Variants in HYKK observed in about 807,000 individuals in gnomAD.
The protein encoded by HYKK is 5-hydroxy-L-lysine kinase.
Under a neutral mutation model 29.7 loss-of-function variants are expected in HYKK, and 19 were observed. That is an observed-to-expected ratio of 0.64 (90% CI 0.45 to 0.94). HYKK has a LOEUF of 0.94. Among genes scored for constraint, HYKK ranks in the 40% least tolerant of loss-of-function variants. The pLI, the probability that HYKK is intolerant of heterozygous loss-of-function variation, is 0.00. For synonymous variants in HYKK, 152 were observed against 158.1 expected (o/e 0.96, Z 0.29); for missense variants, 390 against 443.4 (o/e 0.88, Z 1.08).
chr15:78,525,978 T>A (rs1567021959), intron 3 of HYKK, among the ~76,000 whole-genome samples: 1 of 152,346 alleles, frequency 6.6e-6, no homozygotes, highest in Non-Finnish European at 1.5e-5. Flanking sequence ...CATCAAAGCA[T>A]CTTCCAGCGC....
chr15:78,517,870 G>A (rs2052152481), intron 3 of HYKK, among the ~76,000 whole-genome samples: 1 of 152,182 alleles, frequency 6.6e-6, no homozygotes, highest in East Asian at 1.9e-4. Context: ...CCCTGTGCGT[G>A]CCATGTACTC....
At position 78,513,256 on chromosome 15, in the gene HYKK, A is replaced by C. The variant is rs1353963095; in HGVS notation, c.168A>C (p.Lys56Asn). ...QNFHVYVSKT[K>N]DGPTEYVLKI... ...TTCATGTCTACGTTTCAAAAACCAA[A>C]GATGGCCCAACTGAATATGTCCTCA... The change falls in exon 2 of 5, where the codon AAA (lysine) becomes AAC (asparagine). Residue 56 changes from lysine to asparagine, a missense_variant. Lys to Asn is a moderately conservative substitution (Grantham distance 94). Transcript: ENST00000388988. The C allele has an allele frequency of 6.2e-7, 1 of 1,614,122 alleles. No individual in the cohort carries two copies. The highest frequency in any genetic ancestry group is 1.7e-5 in the Admixed American group (1 of 60,002).
intron 1 of HYKK, among the ~76,000 whole-genome samples, chr15:78,508,911 G>A (rs1356385362): frequency 9.9e-6 from 1 of 101,478 alleles, no homozygotes; most frequent in Non-Finnish European, 2.3e-5. Context: ...GGCCAGGCAT[G>A]GTGGCACCTG....
At chr15:78,531,894 G>A (rs1003824920) in intron 4 of HYKK, among the ~76,000 whole-genome samples, 3 of 151,850 alleles carry the variant, frequency 2.0e-5, no homozygotes, top group Non-Finnish European at 2.9e-5. Context: ...TCAGAAATAC[G>A]TAGTTTAAAA....
chr15:78,524,440 G>T lies in HYKK; in HGVS notation c.478-2940G>T, dbSNP rs571286859. Among the ~76,000 whole-genome samples, 365 of 152,318 alleles carry T rather than the reference G, an allele frequency of 2.4e-3. 4 individuals are homozygous for T. The highest frequency in any genetic ancestry group is 5.1e-4 in the Non-Finnish European group (35 of 68,038). On this transcript the variant is annotated intron_variant, in intron 3 of 4. Coordinates refer to ENST00000388988, the MANE Select transcript of HYKK (RefSeq NM_001013619.4). ...TGTAGGGCAGCAGGGCCCTGGGCCT[G>T]GCCCACAAAACCATCTTGTCCTCCT...
chr15:78,507,955 G>T (rs760287926), intron 1 of HYKK, among the ~76,000 whole-genome samples: 1 of 152,134 alleles, frequency 6.6e-6, no homozygotes, highest in Non-Finnish European at 1.5e-5. Context: ...GTGTGGGGTC[G>T]CTGGCCGAGG....
chr15:78,524,810 A>G (rs921417700), intron 3 of HYKK, among the ~76,000 whole-genome samples: 1 of 152,106 alleles, frequency 6.6e-6, no homozygotes, highest in East Asian at 1.9e-4. Flanking sequence ...CTCTGCCTCA[A>G]AAACAAACAA....
intron 1 of HYKK, among the ~76,000 whole-genome samples, chr15:78,510,460 A>G (rs890061446): frequency 1.3e-5 from 2 of 151,948 alleles, no homozygotes; most frequent in Non-Finnish European, 2.9e-5. Flanking sequence ...CAGCCTCCCA[A>G]AGTGGTGGGA....
In HYKK at chr15:78,515,120, G is replaced by T. The variant is rs144040460; in HGVS notation, c.477+13G>T. The T allele has an allele frequency of 3.5e-4, 544 of 1,535,228 alleles. 7 individuals carry two copies. The East Asian group carries it at 0.013, about 37-fold the overall frequency. On this transcript the variant is annotated intron_variant, in intron 3 of 4. Coordinates refer to ENST00000388988, the MANE Select transcript of HYKK (RefSeq NM_001013619.4). ...TAAGACACTGCAGGTAAGATTTGGG[G>T]CTTTATTTTATTCTAAGGGATGTTT...
intron 2 of HYKK, 63 bp downstream of exon 2, chr15:78,513,488 A>G (rs2052096927): frequency 5.2e-6 from 6 of 1,164,186 alleles, no homozygotes; most frequent in Non-Finnish European, 7.4e-6. Flanking sequence ...TTTTGGCCAC[A>G]AGTAGAACTA....
rs1403934283 is a variant in HYKK, at chr15:78,513,218, G to C, written c.130G>C (p.Asp44His). 6.2e-6 allele frequency: 10 copies of C among 1,614,078 alleles called. No homozygotes were observed. Among genetic ancestry groups the C allele is most frequent in the African/African-American group, 1.3e-5 (1 of 74,928 alleles). The stretch of plus-strand genomic sequence containing the variant: ...CAAGGTCCGGCCACTTCCTAGCTAT[G>C]ATGACCAAAACTTTCATGTCTACGT... ...VSKVRPLPSY[D>H]DQNFHVYVSK... is the part of the protein sequence containing the mutation. The change falls in exon 2 of 5, where the codon GAT (aspartate) becomes CAT (histidine). Residue 44 changes from aspartate to histidine, a missense_variant. Transcript: ENST00000388988.
chr15:78,527,751 A>C (rs2052270274), intron 4 of HYKK, 188 bp downstream of exon 4: 1 of 1,354,476 alleles, frequency 7.4e-7, no homozygotes, highest in Non-Finnish European at 9.5e-7. Context: ...CCTCCTCTAA[A>C]CTTTACATGA....
At chr15:78,520,862 G>T (rs1276444457) in intron 3 of HYKK, among the ~76,000 whole-genome samples, 1 of 150,848 alleles carries the variant, frequency 6.6e-6, no homozygotes, top group Admixed American at 6.6e-5. Context: ...CTGGCCGGGC[G>T]GGGGGCTGAC....
At position 78,513,149 on chromosome 15, in the gene HYKK, CA is replaced by C. The variant is rs546942547; in HGVS notation, c.63del (p.Ala22ProfsTer4). On this transcript the variant is annotated frameshift_variant, in exon 2 of 5. Transcript: ENST00000388988. LOFTEE classifies it high-confidence loss of function. Reference sequence around the variant, plus strand: ...TAGCAAACCCACTTTCAGTGAGGAACAAGCCTCTGCGTTAGTGGAGTCAGTG... The same window carrying C: ...TAGCAAACCCACTTTCAGTGAGGAACAGCCTCTGCGTTAGTGGAGTCAGTG... ...ALSKPTFSEE[Q>X]ASALVESVFG... 6.8e-5 allele frequency: 110 copies of C among 1,614,052 alleles called. No individual in the cohort carries two copies. In the South Asian group the frequency reaches 1.2e-3, roughly 17 times the overall value.
In HYKK at chr15:78,513,375, C is replaced by T. The variant is rs1423953941; in HGVS notation, c.287C>T (p.Ala96Val). 6.2e-7 allele frequency: 1 copy of T among 1,614,172 alleles called. No individual in the cohort carries two copies. Among genetic ancestry groups the T allele is most frequent in the Non-Finnish European group, 8.5e-7 (1 of 1,180,026 alleles). Residue 96 changes from alanine to valine, a missense_variant, in exon 2 of 5, where the codon GCC becomes GTC. By Grantham distance (64) the Ala-to-Val change is moderately conservative (BLOSUM62 0). Transcript: ENST00000388988. ...MFLKAAGFPTASVCHTKGDNT... is the reference protein window; with the variant it reads ...MFLKAAGFPTVSVCHTKGDNT... ...CTGAAAGCCGCTGGATTTCCAACAG[C>T]CTCTGTGTGTCACACTAAAGGAGAC... is the stretch of plus-strand genomic sequence containing the variant.
chr15:78,531,159 G>A (rs552061193), intron 4 of HYKK, among the ~76,000 whole-genome samples: 6 of 152,122 alleles, frequency 3.9e-5, no homozygotes, highest in African/African-American at 1.2e-4. Context: ...CACCACATCC[G>A]GCCCTCCAGT....
At chr15:78,528,813 A>AG (rs397853744) in intron 4 of HYKK, 5 of 971,394 alleles carry the variant, frequency 5.1e-6, no homozygotes, top group African/African-American at 3.5e-5. Flanking sequence ...AAAAAAAAAA[A>AG]GGGCAAGGAA....
chr15:78,533,070 A>C (rs1256630874), intron 4 of HYKK, 140 bp from the exon 5 acceptor site: 3 of 624,624 alleles, frequency 4.8e-6, no homozygotes, highest in Non-Finnish European at 8.3e-6. Flanking sequence ...AGAGGAAATT[A>C]TTTTATTTCA....
At chr15:78,516,044 A>T (rs899849003) in intron 3 of HYKK, among the ~76,000 whole-genome samples, 3 of 152,182 alleles carry the variant, frequency 2.0e-5, no homozygotes, top group African/African-American at 7.2e-5. Context: ...GTCACAGTAT[A>T]ATCAACTGGA....
Sources: allele counts gnomAD v4.1 joint callset (sites outside exome capture counted in the v4.1 genomes callset), GRCh38; gene constraint gnomAD v4.1.1; transcripts MANE v1.5; gene names NCBI Gene and HGNC (gene_info 2026-07-23, HGNC 2026-07-21).